CNTNAP5: variants seen among roughly 807,000 people sequenced by gnomAD.
CNTNAP5 encodes contactin-associated protein-like 5.
CNTNAP5 carries 72 observed loss-of-function variants against 150.2 expected under a neutral mutation model. The ratio of observed to expected loss-of-function variants is 0.48; its 90% CI spans 0.40 to 0.58. The LOEUF (loss-of-function observed/expected upper bound fraction) is 0.58, where lower values mean the gene tolerates loss of function less well. CNTNAP5 is among the 20% of genes least tolerant of loss of function. CNTNAP5 has a pLI of 0.00. For synonymous variants in CNTNAP5, 672 were observed against 619.8 expected (o/e 1.08, Z -1.25); for missense variants, 1,636 against 1,626.2 (o/e 1.01, Z -0.10).
chr2:124,437,801 G>T (rs950049816), intron 5 of CNTNAP5, among the ~76,000 whole-genome samples: 1 of 152,154 alleles, frequency 6.6e-6, no homozygotes, highest in Admixed American at 6.6e-5. Flanking sequence ...CAGAGAGAAA[G>T]AGAGGCAGGA....
chr2:124,725,201 T>C (rs1422500590), intron 13 of CNTNAP5, among the ~76,000 whole-genome samples: 2 of 152,128 alleles, frequency 1.3e-5, no homozygotes, highest in Non-Finnish European at 2.9e-5. Flanking sequence ...ATTGCCAAAA[T>C]TGAATTAAAA....
chr2:124,749,556 C>A (rs1230654809), intron 14 of CNTNAP5, among the ~76,000 whole-genome samples: 3 of 152,092 alleles, frequency 2.0e-5, no homozygotes, highest in African/African-American at 7.2e-5. Flanking sequence ...TCCTGAGTAG[C>A]TGGTATTACA....
At chr2:124,061,989 G>A (rs1022165218) in intron 1 of CNTNAP5, among the ~76,000 whole-genome samples, 2 of 152,026 alleles carry the variant, frequency 1.3e-5, no homozygotes, top group Non-Finnish European at 2.9e-5. Flanking sequence ...TCTTCTACAC[G>A]CTGCTGGATA....
At chr2:124,636,859 C>T (rs961393190) in intron 12 of CNTNAP5, among the ~76,000 whole-genome samples, 18 of 139,288 alleles carry the variant, frequency 1.3e-4, no homozygotes, top group Non-Finnish European at 1.8e-4. Context: ...TTCACGTTTA[C>T]GATTCTGCCA....
At position 124,752,616 on chromosome 2, in the gene CNTNAP5, G is replaced by T. The variant is rs75177887; in HGVS notation, c.2234+5231G>T. ...TCTATCTCAGCCAAATCACTAAATT[G>T]TAATGAAAAAGGAATAAATGAAGGA... On this transcript the variant is annotated intron_variant, in intron 14 of 23. Coordinates refer to ENST00000682447, the MANE Select transcript of CNTNAP5 (RefSeq NM_001367498.1). Among the ~76,000 whole-genome samples the T allele has an allele frequency of 6.5e-3, 992 of 152,212 alleles. 12 individuals are homozygous for T. Among genetic ancestry groups the T allele is most frequent in the Non-Finnish European group, 9.3e-3 (635 of 68,022 alleles).
chr2:124,791,600 T>C (rs1056192205), intron 18 of CNTNAP5, among the ~76,000 whole-genome samples: 3 of 152,022 alleles, frequency 2.0e-5, no homozygotes, highest in African/African-American at 7.2e-5. Flanking sequence ...GTCTTTTGTT[T>C]GGAAGAACAT....
intron 1 of CNTNAP5, among the ~76,000 whole-genome samples, chr2:124,027,486 G>A (rs1343168849): frequency 6.6e-6 from 1 of 152,176 alleles, no homozygotes; most frequent in Admixed American, 6.5e-5. Flanking sequence ...TATGGCTGTG[G>A]ACTTTCTAAT....
chr2:124,602,964 T>C lies in CNTNAP5; in HGVS notation c.1757-6837T>C, dbSNP rs186813543. ...TAATATAATCTGTTATAAAATCTGA[T>C]CTATAATTTTTGTGGTTATCTTAAA... On this transcript the variant is annotated intron_variant, in intron 11 of 23. Coordinates refer to ENST00000682447, the MANE Select transcript of CNTNAP5 (RefSeq NM_001367498.1). Among the ~76,000 whole-genome samples, 330 of 152,182 alleles carry C rather than the reference T, an allele frequency of 2.2e-3. 3 individuals carry two copies. Among genetic ancestry groups the C allele is most frequent in the Admixed American group, 4.3e-3 (66 of 15,286 alleles).
chr2:124,390,276 G>A (rs556933675), intron 3 of CNTNAP5, among the ~76,000 whole-genome samples: 13 of 152,048 alleles, frequency 8.5e-5, no homozygotes, highest in Non-Finnish European at 7.4e-5. Context: ...TGCATCTTCC[G>A]ATTAACTTCT....
rs144227003 is a variant in CNTNAP5 at position 124,215,769 on chromosome 2, T to A, written c.83-5936T>A. On this transcript the variant is annotated intron_variant, in intron 1 of 23. Coordinates refer to ENST00000682447, the MANE Select transcript of CNTNAP5 (RefSeq NM_001367498.1). Reference sequence around the variant, plus strand: ...TCAAATTATCCTGAAAGTTATAAACTACTCTTCATCAATGTTTTTCTGTTG... The same window carrying A: ...TCAAATTATCCTGAAAGTTATAAACAACTCTTCATCAATGTTTTTCTGTTG... Among the ~76,000 whole-genome samples the A allele has an allele frequency of 3.7e-3, 541 of 145,852 alleles. 5 individuals carry two copies. Among genetic ancestry groups the A allele is most frequent in the African/African-American group, 0.012 (465 of 40,070 alleles).
intron 1 of CNTNAP5, among the ~76,000 whole-genome samples, chr2:124,079,000 A>G (rs547186237): frequency 5.9e-5 from 9 of 152,328 alleles, no homozygotes; most frequent in Admixed American, 2.6e-4. Flanking sequence ...TAATTCCTCA[A>G]AATGCATGGT....
intron 3 of CNTNAP5, among the ~76,000 whole-genome samples, chr2:124,260,215 A>G (rs376132766): frequency 6.6e-6 from 1 of 152,194 alleles, no homozygotes; most frequent in African/African-American, 2.4e-5. Context: ...ATAATGCCAC[A>G]TATCTACAAA....
intron 3 of CNTNAP5, among the ~76,000 whole-genome samples, chr2:124,402,276 T>G (rs2104759694): frequency 6.6e-6 from 1 of 152,274 alleles, no homozygotes; most frequent in Admixed American, 6.5e-5. Flanking sequence ...TCACAGAAGA[T>G]GTGCCAAGGC....
At chr2:124,751,617 C>T (rs942092359) in intron 14 of CNTNAP5, among the ~76,000 whole-genome samples, 3 of 152,224 alleles carry the variant, frequency 2.0e-5, no homozygotes, top group African/African-American at 4.8e-5. Context: ...ACTTTCCACA[C>T]GTTTCAAATT....
intron 10 of CNTNAP5, among the ~76,000 whole-genome samples, chr2:124,547,369 G>A (rs1695536580): frequency 6.6e-6 from 1 of 152,162 alleles, no homozygotes; most frequent in African/African-American, 2.4e-5. Flanking sequence ...ACAGTTGATG[G>A]GCAGTTAAAG....
intron 3 of CNTNAP5, among the ~76,000 whole-genome samples, chr2:124,268,766 T>C (rs1687673722): frequency 2.0e-5 from 3 of 152,162 alleles, no homozygotes; most frequent in African/African-American, 7.2e-5. Context: ...CTTGGTCCCA[T>C]AGGTGCCCAC....
At chr2:124,729,089 C>A (rs763690789) in intron 13 of CNTNAP5, among the ~76,000 whole-genome samples, 2 of 151,964 alleles carry the variant, frequency 1.3e-5, no homozygotes, top group Non-Finnish European at 2.9e-5. Context: ...CTTTTAGTAT[C>A]CCACCTGAGA....
intron 13 of CNTNAP5, among the ~76,000 whole-genome samples, chr2:124,719,393 C>T (rs966131158): frequency 6.6e-6 from 1 of 152,052 alleles, no homozygotes; most frequent in Non-Finnish European, 1.5e-5. Context: ...TCAAAGTTCC[C>T]GTCTCTGGCT....
intron 1 of CNTNAP5, among the ~76,000 whole-genome samples, chr2:124,088,319 C>T (rs2104683243): frequency 6.6e-6 from 1 of 151,970 alleles, no homozygotes; most frequent in South Asian, 2.1e-4. Context: ...TGATACTTTT[C>T]TTTGGTGAGG....
Sources: allele counts gnomAD v4.1 joint callset (sites outside exome capture counted in the v4.1 genomes callset), GRCh38; gene constraint gnomAD v4.1.1; transcripts MANE v1.5; gene names NCBI Gene and HGNC (gene_info 2026-07-23, HGNC 2026-07-21).